The following GLIS3 variants were observed in gnomAD, a reference collection of about 807,000 sequenced individuals.
GLIS3 encodes the protein GLIS family zinc finger 3.
A neutral mutation model predicts 78.6 loss-of-function variants in GLIS3; 53 were observed. The ratio of observed to expected loss-of-function variants is 0.67; its 90% CI spans 0.54 to 0.85. The LOEUF is 0.85. Among genes scored for constraint, GLIS3 ranks in the 40% least tolerant of loss-of-function variants. The pLI is 0.00. For missense variants in GLIS3, 1,703 were observed against 1,231.1 expected (o/e 1.38, Z -5.74); for synonymous variants, 684 against 509.9 (o/e 1.34, Z -4.60).
rs538215263 is a variant in GLIS3, at chr9:3,904,583, C to T, written c.1984-5748G>A. On this transcript the variant is annotated intron_variant, in intron 6 of 10. Transcript: ENST00000381971. ...TGCTTTAAAACCACTACCATATGAC[C>T]GTTTGTTTCAGGTCAGGAAGGAGAA... is the stretch of plus-strand genomic sequence containing the variant. 3.3e-5 allele frequency among the ~76,000 whole-genome samples: 5 copies of T among 152,222 alleles called. No homozygotes were observed. In the South Asian group the frequency reaches 1.0e-3, roughly 32 times the overall value.
chr9:3,931,080 T>C (rs1825580024), intron 6 of GLIS3, among the ~76,000 whole-genome samples: 1 of 152,176 alleles, frequency 6.6e-6, no homozygotes, highest in Non-Finnish European at 1.5e-5. Flanking sequence ...GATATCAATT[T>C]ACTGGGATTC....
chr9:4,398,790 A>G, the GLIS3 span, among the ~76,000 whole-genome samples: 1 of 152,270 alleles, frequency 6.6e-6, no homozygotes, highest in South Asian at 2.1e-4. Context: ...CCATTCAAGC[A>G]ATAATTCTCT....
intron 2 of GLIS3, among the ~76,000 whole-genome samples, chr9:4,240,799 C>T (rs981909850): frequency 1.3e-5 from 2 of 152,028 alleles, no homozygotes; most frequent in Non-Finnish European, 2.9e-5. Context: ...ACAACAAACC[C>T]TCATGATATA....
chr9:4,096,779 A>G (rs763246437), intron 4 of GLIS3, among the ~76,000 whole-genome samples: 42 of 152,330 alleles, frequency 2.8e-4, no homozygotes, highest in Non-Finnish European at 1.5e-4. Context: ...TGGGAGGCCA[A>G]GGCAGGTGGA....
intron 4 of GLIS3, among the ~76,000 whole-genome samples, chr9:4,053,881 A>C (rs1305023215): frequency 6.6e-6 from 1 of 151,964 alleles, no homozygotes; most frequent in Non-Finnish European, 1.5e-5. Context: ...ACCATCAAAC[A>C]CGGCAATCTG....
chr9:4,439,250 T>A, the GLIS3 span, among the ~76,000 whole-genome samples: 1 of 152,238 alleles, frequency 6.6e-6, no homozygotes. Flanking sequence ...AAAATGTTTA[T>A]TGAGATATAA....
intron 2 of GLIS3, among the ~76,000 whole-genome samples, chr9:4,151,709 C>G (rs923304249): frequency 1.3e-5 from 2 of 152,132 alleles, no homozygotes; most frequent in African/African-American, 4.8e-5. Flanking sequence ...TTCAGGAGTC[C>G]TAAACAATGA....
the GLIS3 span, among the ~76,000 whole-genome samples, chr9:4,402,374 A>C: frequency 6.6e-6 from 1 of 152,230 alleles, no homozygotes; most frequent in African/African-American, 2.4e-5. Flanking sequence ...GGTCCAGACT[A>C]TGAAGATTAC....
chr9:4,239,420 C>T (rs185786046), intron 2 of GLIS3, among the ~76,000 whole-genome samples: 5 of 150,962 alleles, frequency 3.3e-5, no homozygotes, highest in Non-Finnish European at 5.9e-5. Context: ...CTACTGTATT[C>T]GTATTCCAAT....
At chr9:4,431,492 T>G in the GLIS3 span, among the ~76,000 whole-genome samples, 2 of 152,176 alleles carry the variant, frequency 1.3e-5, no homozygotes, top group East Asian at 3.8e-4. Flanking sequence ...AGTCGGGATC[T>G]TTTCATCCTG....
intron 4 of GLIS3, among the ~76,000 whole-genome samples, chr9:3,984,310 C>A (rs554838307): frequency 2.0e-5 from 3 of 152,366 alleles, no homozygotes; most frequent in African/African-American, 7.2e-5. Context: ...CTATACCCCG[C>A]AAAGCCACGG....
intron 2 of GLIS3, among the ~76,000 whole-genome samples, chr9:4,250,158 C>A (rs1222448674): frequency 2.0e-5 from 3 of 152,170 alleles, no homozygotes; most frequent in African/African-American, 7.2e-5. Flanking sequence ...AGGATTCCCT[C>A]TTTTTCTATT....
chr9:4,073,584 G>A (rs189911338), intron 4 of GLIS3, among the ~76,000 whole-genome samples: 79 of 152,208 alleles, frequency 5.2e-4, no homozygotes, highest in Admixed American at 1.2e-3. Flanking sequence ...CAGAAACTCA[G>A]GATTGCCCCT....
At chr9:4,237,385 T>C (rs542786944) in intron 2 of GLIS3, among the ~76,000 whole-genome samples, 1 of 152,218 alleles carries the variant, frequency 6.6e-6, no homozygotes, top group African/African-American at 2.4e-5. Flanking sequence ...AAAATCAGAA[T>C]GTAGAATTAA....
In GLIS3 at chr9:3,890,357, G is replaced by A. The variant is rs1274801771; in HGVS notation, c.2128+8334C>T. 3.3e-5 allele frequency among the ~76,000 whole-genome samples: 5 copies of A among 152,172 alleles called. No individual in the cohort carries two copies. The South Asian group carries it at 8.3e-4, about 25-fold the overall frequency. On this transcript the variant is annotated intron_variant, in intron 7 of 10. Coordinates refer to ENST00000381971, the MANE Select transcript of GLIS3 (RefSeq NM_001042413.2). ...CCTCCGCTTGACTTAAATTCTTCTTGGAAGGAACGCTTTATGTCAGCACAT... is the reference window on the plus strand; with the variant it reads ...CCTCCGCTTGACTTAAATTCTTCTTAGAAGGAACGCTTTATGTCAGCACAT...
chr9:3,918,662 G>A (rs1184108091), intron 6 of GLIS3, among the ~76,000 whole-genome samples: 1 of 152,182 alleles, frequency 6.6e-6, no homozygotes, highest in Non-Finnish European at 1.5e-5. Context: ...AGGCTAACTT[G>A]CTAGTGTGTA....
chr9:3,935,433 A>G (rs138876770), intron 5 of GLIS3, among the ~76,000 whole-genome samples: 34 of 152,292 alleles, frequency 2.2e-4, no homozygotes, highest in Non-Finnish European at 4.0e-4. Context: ...AAGTTTTTTA[A>G]AAAGATATAT....
chr9:4,325,240 G>T (rs774427498), intron 2 of GLIS3, among the ~76,000 whole-genome samples: 2 of 152,114 alleles, frequency 1.3e-5, no homozygotes, highest in African/African-American at 4.8e-5. Flanking sequence ...TTTTACATTT[G>T]AGGCTAGCAC....
chr9:4,303,606 TTTCTA>T (rs1182242670), upstream of GLIS3, among the ~76,000 whole-genome samples: 1 of 152,230 alleles, frequency 6.6e-6, no homozygotes, highest in African/African-American at 2.4e-5. Flanking sequence ...CCTCTTTTCC[TTTCTA>T]AAGTCAAAAC....
Sources: allele counts gnomAD v4.1 joint callset (sites outside exome capture counted in the v4.1 genomes callset), GRCh38; gene constraint gnomAD v4.1.1; transcripts MANE v1.5; gene names NCBI Gene and HGNC (gene_info 2026-07-23, HGNC 2026-07-21).